The following MAPRE2 variants were observed in gnomAD, a reference collection of about 807,000 sequenced individuals.
The protein encoded by MAPRE2 is microtubule associated protein RP/EB family member 2.
A neutral mutation model predicts 43.2 loss-of-function variants in MAPRE2; 13 were observed. The observed-to-expected ratio is 0.30, with a 90% CI of 0.20 to 0.48. The LOEUF (loss-of-function observed/expected upper bound fraction) is 0.48, where lower values mean the gene tolerates loss of function less well. MAPRE2 is among the 20% of genes least tolerant of loss of function. MAPRE2 has a pLI of 0.99. For missense variants in MAPRE2, 161 were observed against 400.2 expected, an observed-to-expected ratio of 0.40 and a Z score of 5.10; for synonymous variants, 135 against 148.8, an observed-to-expected ratio of 0.91 and a Z score of 0.68.
intron 1 of MAPRE2, among the ~76,000 whole-genome samples, chr18:34,980,023 C>CTTTTTTTTTTTTTTTTT (rs1450524683): frequency 9.1e-5 from 12 of 132,502 alleles, no homozygotes; most frequent in African/African-American, 2.9e-4. Flanking sequence ...TTTTCTTTTT[C>CTTTTTTTTTTTTTTTTT]TTTTTTTCTT....
intron 2 of MAPRE2, among the ~76,000 whole-genome samples, chr18:35,072,439 G>C (rs1907156619): frequency 6.6e-6 from 1 of 152,122 alleles, no homozygotes; most frequent in Non-Finnish European, 1.5e-5. Flanking sequence ...AAGAGACATA[G>C]GAAGGAAGGG....
intron 1 of MAPRE2, among the ~76,000 whole-genome samples, chr18:35,061,702 C>T (rs998874162): frequency 6.6e-6 from 1 of 152,192 alleles, no homozygotes; most frequent in Non-Finnish European, 1.5e-5. Flanking sequence ...AGCTTTAATA[C>T]CCAGTTTTAG....
At chr18:35,066,806 G>A (rs1384409357) in intron 1 of MAPRE2, among the ~76,000 whole-genome samples, 5 of 152,184 alleles carry the variant, frequency 3.3e-5, no homozygotes, top group South Asian at 2.1e-4. Context: ...GTTTGGGTTC[G>A]GGGCAAACAT....
At chr18:35,114,419 G>A (rs1041465562) in intron 4 of MAPRE2, among the ~76,000 whole-genome samples, 2 of 152,098 alleles carry the variant, frequency 1.3e-5, no homozygotes, top group Non-Finnish European at 2.9e-5. Flanking sequence ...TCTAGGGTGA[G>A]AGAGAGTTAC....
rs870775 is a variant in MAPRE2 at position 35,029,012 on chromosome 18, T to C, written c.-8+23459T>C. Among the ~76,000 whole-genome samples, 737 of 152,342 alleles carry C rather than the reference T, an allele frequency of 4.8e-3. 5 individuals are homozygous for C. Among genetic ancestry groups the C allele is most frequent in the African/African-American group, 0.017 (709 of 41,576 alleles). On this transcript the variant is annotated intron_variant, in intron 2 of 7. Transcript: ENST00000413393. ...GGCTTCTTAAAGGAGGCCCATTATG[T>C]TTTCATGTGCTACACTATGCAGTTG...
intron 2 of MAPRE2, among the ~76,000 whole-genome samples, chr18:35,008,068 C>T (rs1308740099): frequency 6.6e-6 from 1 of 152,066 alleles, no homozygotes; most frequent in Non-Finnish European, 1.5e-5. Context: ...ATGAGTAATC[C>T]TATCTGCTAT....
At chr18:34,993,708 G>A (rs1205041720) in intron 1 of MAPRE2, among the ~76,000 whole-genome samples, 1 of 152,168 alleles carries the variant, frequency 6.6e-6, no homozygotes, top group Admixed American at 6.5e-5. Context: ...AGGCCGTGGT[G>A]TTACTGTACT....
At chr18:35,009,848 G>A (rs1403785380) in intron 2 of MAPRE2, among the ~76,000 whole-genome samples, 1 of 152,126 alleles carries the variant, frequency 6.6e-6, no homozygotes, top group Non-Finnish European at 1.5e-5. Flanking sequence ...GAACATTCTT[G>A]AGTGAGGAGA....
intron 2 of MAPRE2, 113 bp downstream of exon 2, chr18:35,070,435 T>C (rs1367919728): frequency 1.1e-6 from 1 of 901,292 alleles, no homozygotes. Flanking sequence ...TATATTGCTA[T>C]TGGCATGTAA....
intron 2 of MAPRE2, among the ~76,000 whole-genome samples, chr18:35,089,330 AT>A (rs35896753): frequency 6.6e-6 from 1 of 152,226 alleles, no homozygotes; most frequent in South Asian, 2.1e-4. Flanking sequence ...AATATAAAAC[AT>A]TTTTGCTTCA....
rs1910184464 is a variant in MAPRE2, at chr18:35,132,163, G to A, written c.882G>A (p.Met294Ile). ...QENDDLVQRL[M>I]DILYASEEHE... ...ATGATGACCTCGTGCAGAGACTAAT[G>A]GACATCCTGTATGCTTCAGAAGAAC... Residue 294 changes from methionine (M) to isoleucine (I), a missense_variant, in exon 6 of 7, where the codon ATG becomes ATA. Transcript: ENST00000300249. The A allele has an allele frequency of 6.2e-7, 1 of 1,614,074 alleles. No homozygotes were observed. The highest frequency in any genetic ancestry group is 1.3e-5 in the African/African-American group (1 of 74,940).
intron 5 of MAPRE2, among the ~76,000 whole-genome samples, chr18:35,129,435 G>C (rs1250263206): frequency 1.3e-5 from 2 of 152,176 alleles, no homozygotes; most frequent in African/African-American, 2.4e-5. Flanking sequence ...CATAAACTTA[G>C]AGGAGTCTCA....
At chr18:35,131,691 G>GT (rs1910153541) in intron 5 of MAPRE2, among the ~76,000 whole-genome samples, 1 of 152,198 alleles carries the variant, frequency 6.6e-6, no homozygotes, top group Admixed American at 6.5e-5. Flanking sequence ...TCAGACCATA[G>GT]TAAGAAGTTA....
At chr18:35,092,361 GA>G (rs1213240947) in intron 2 of MAPRE2, among the ~76,000 whole-genome samples, 1 of 152,188 alleles carries the variant, frequency 6.6e-6, no homozygotes, top group Non-Finnish European at 1.5e-5. Context: ...GGAACATAGG[GA>G]AAGGACAGTC....
At chr18:35,037,662 A>AT (rs35904391), upstream of MAPRE2, among the ~76,000 whole-genome samples, 70,856 of 150,516 alleles carry the variant, frequency 0.47, 16,634 homozygotes, top group African/African-American at 0.52. Flanking sequence ...ATTTTAGCTT[A>AT]TTTTTTTTTT....
intron 1 of MAPRE2, among the ~76,000 whole-genome samples, chr18:35,045,185 G>T (rs1905558614): frequency 6.6e-6 from 1 of 152,174 alleles, no homozygotes; most frequent in African/African-American, 2.4e-5. Context: ...AATAAATGTG[G>T]TGTGGGCCAT....
At chr18:35,058,602 T>G (rs936181779) in intron 1 of MAPRE2, among the ~76,000 whole-genome samples, 2 of 152,168 alleles carry the variant, frequency 1.3e-5, no homozygotes, top group South Asian at 2.1e-4. Flanking sequence ...ATGTGATGAC[T>G]CCTACGATAT....
At chr18:35,053,692 G>GT (rs965842203) in intron 1 of MAPRE2, among the ~76,000 whole-genome samples, 3 of 151,846 alleles carry the variant, frequency 2.0e-5, no homozygotes, top group African/African-American at 7.3e-5. Context: ...TTCTTTAATT[G>GT]TAACAAGGAT....
At chr18:35,125,487 T>G (rs1380055025) in intron 4 of MAPRE2, among the ~76,000 whole-genome samples, 2 of 152,250 alleles carry the variant, frequency 1.3e-5, no homozygotes, top group Admixed American at 1.3e-4. Context: ...GCACTGGGGT[T>G]ACAAAGATGA....
Sources: gnomAD v4.1 joint callset for allele counts (sites outside exome capture counted in the v4.1 genomes callset) on GRCh38, gnomAD v4.1.1 for gene constraint, MANE v1.5 for transcripts, NCBI Gene and HGNC (gene_info 2026-07-23, HGNC 2026-07-21) for gene names.